The following CASQ1 variants were observed in gnomAD, a reference collection of about 807,000 sequenced individuals.
CASQ1 encodes the protein calsequestrin 1.
A neutral mutation model predicts 49.5 loss-of-function variants in CASQ1; 40 were observed. That is an observed-to-expected ratio of 0.81 (90% CI 0.63 to 1.05). The LOEUF is 1.05. Among genes scored for constraint, CASQ1 ranks in the 50% least tolerant of loss-of-function variants. The pLI, the probability that CASQ1 is intolerant of heterozygous loss-of-function variation, is 0.00. For synonymous variants in CASQ1, 174 were observed against 187.2 expected (o/e 0.93, Z 0.58); for missense variants, 469 against 486.9 (o/e 0.96, Z 0.35).
intron 9 of CASQ1, among the ~76,000 whole-genome samples, chr1:160,199,548 G>C (rs1654321862): frequency 2.0e-5 from 3 of 152,196 alleles, no homozygotes; most frequent in Admixed American, 2.0e-4. Flanking sequence ...CCAGAGAGAA[G>C]TGACTTGACC....
Position 160,198,664 on chromosome 1 carries a change from T to A in CASQ1, c.829-13T>A. ...TTCTCCAAAACCCTGTTCTCCTTCT[T>A]ACCCCCTGACAGGAGGATGATATGG... is the stretch of plus-strand genomic sequence containing the variant. On this transcript the variant is annotated splice_polypyrimidine_tract_variant and intron_variant, in intron 7 of 10. Transcript: ENST00000368078. 1.9e-6 allele frequency: 3 copies of A among 1,609,910 alleles called. No homozygotes were observed. In the South Asian group the frequency reaches 3.3e-5, roughly 18 times the overall value.
chr1:160,194,220 A>G (rs1654150454), intron 3 of CASQ1, among the ~76,000 whole-genome samples: 1 of 146,634 alleles, frequency 6.8e-6, no homozygotes, highest in Non-Finnish European at 1.5e-5. Flanking sequence ...CACACTCCAC[A>G]CACATCACAC....
chr1:160,198,746 C>T lies in CASQ1; in HGVS notation c.883+15C>T. On this transcript the variant is annotated intron_variant, in intron 8 of 10. Coordinates refer to ENST00000368078, the MANE Select transcript of CASQ1 (RefSeq NM_001231.5). ...AGCTGATCCTGGTGAGGGAGGAATA[C>T]CGGGTTGGACTGGAGGGAAGGCAGG... 8 of 1,610,090 alleles carry T rather than the reference C, an allele frequency of 5.0e-6. No homozygotes were observed. The highest frequency in any genetic ancestry group is 1.7e-4 in the Middle Eastern group (1 of 6,048).
At chr1:160,195,652 G>C (rs1571049536) in intron 5 of CASQ1, 118 bp downstream of exon 5, 14 of 719,010 alleles carry the variant, frequency 1.9e-5, no homozygotes, top group Admixed American at 9.5e-5. Context: ...CTCCCTACCT[G>C]CCCCCCCCCC....
chr1:160,191,354 G>A (rs1654071764), intron 1 of CASQ1, among the ~76,000 whole-genome samples: 1 of 152,058 alleles, frequency 6.6e-6, no homozygotes, highest in South Asian at 2.1e-4. Flanking sequence ...GAGGTACTTG[G>A]AGGGCCAGGG....
rs530648115 is a variant in CASQ1 at position 160,193,215 on chromosome 1, C to A, written c.364+329C>A. Among the ~76,000 whole-genome samples, 150 of 152,218 alleles carry A rather than the reference C, an allele frequency of 9.9e-4. 2 individuals are homozygous for A. The Middle Eastern group carries it at 0.01, about 10-fold the overall frequency. On this transcript the variant is annotated intron_variant, in intron 2 of 10. Transcript: ENST00000368078. ...GGGCTGGCCAGACCTCTGCAAACTC[C>A]GCTTCCAACCCCTCCCATCCAGAGC...
intron 6 of CASQ1, among the ~76,000 whole-genome samples, chr1:160,196,838 G>A (rs937153334): frequency 6.6e-6 from 1 of 152,124 alleles, no homozygotes; most frequent in Non-Finnish European, 1.5e-5. Context: ...AAGGCGTGGC[G>A]AGGTGGGCAT....
At chr1:160,195,579 G>C (rs1258532785) in intron 5 of CASQ1, 45 bp downstream of exon 5, 1 of 1,567,276 alleles carries the variant, frequency 6.4e-7, no homozygotes, top group Non-Finnish European at 8.8e-7. Flanking sequence ...ATGTCCTGAA[G>C]CTGTCCTCCA....
rs1654049659 is a variant in CASQ1, at chr1:160,190,613, T to C, written c.-139T>C. 3 of 756,236 alleles carry C rather than the reference T, an allele frequency of 4.0e-6. No homozygotes were observed. The highest frequency in any genetic ancestry group is 3.5e-4 in the Middle Eastern group (1 of 2,880). The allele number at this position is 756,236 out of a possible 1,614,324, so 46.8% of individuals were successfully genotyped here. A position where few individuals can be genotyped will look rare whatever the true frequency, so the allele number is the denominator to read the frequency against. ...GTTTCTCCAGGACCCAGCAGTGCCCTCTGTCCACTGCTCTGGGCCATTCCC... is the reference window on the plus strand; with the variant it reads ...GTTTCTCCAGGACCCAGCAGTGCCCCCTGTCCACTGCTCTGGGCCATTCCC... On this transcript the variant is annotated 5_prime_UTR_variant, in exon 1 of 11. Coordinates refer to ENST00000368078, the MANE Select transcript of CASQ1 (RefSeq NM_001231.5).
chr1:160,197,936 T>G (rs1338838170), intron 7 of CASQ1, among the ~76,000 whole-genome samples: 10 of 150,986 alleles, frequency 6.6e-5, no homozygotes, highest in Non-Finnish European at 1.3e-4. Flanking sequence ...GGAGAATGGC[T>G]TGAACCCAGG....
At chr1:160,194,051 C>T (rs1428161739) in intron 3 of CASQ1, among the ~76,000 whole-genome samples, 3 of 150,494 alleles carry the variant, frequency 2.0e-5, no homozygotes, top group Non-Finnish European at 3.0e-5. Flanking sequence ...CATATGCATG[C>T]ACATGCACAC....
At chr1:160,193,129 T>C (rs1431363188) in intron 2 of CASQ1, among the ~76,000 whole-genome samples, 1 of 152,120 alleles carries the variant, frequency 6.6e-6, no homozygotes, top group African/African-American at 2.4e-5. Context: ...GAGGCCTTCT[T>C]TATACTTACC....
Position 160,191,064 on chromosome 1 carries a change from G to A in CASQ1, c.279+34G>A, listed in dbSNP as rs774082512. The A allele has an allele frequency of 3.1e-6, 5 of 1,605,472 alleles. No homozygotes were observed. In the South Asian group the frequency reaches 3.3e-5, roughly 11 times the overall value. On this transcript the variant is annotated intron_variant, in intron 1 of 10. Transcript: ENST00000368078. ...GGGGCACTGCAGGCCTGCAGAGCAT[G>A]TCTAGCCCCTCTCCGGAATCCCCTA...
chr1:160,195,804 A>C, intron 5 of CASQ1, 93 bp from the exon 6 acceptor site: 37 of 1,277,900 alleles, frequency 2.9e-5, no homozygotes, highest in Non-Finnish European at 3.5e-5. Flanking sequence ...CGGCTTTCTG[A>C]CTCCCTTCCT....
chr1:160,198,756 C>G (rs1374399782), intron 8 of CASQ1, 25 bp downstream of exon 8: 1 of 1,605,928 alleles, frequency 6.2e-7, no homozygotes, highest in Admixed American at 1.7e-5. Context: ...CCGGGTTGGA[C>G]TGGAGGGAAG....
intron 4 of CASQ1, 53 bp downstream of exon 4, chr1:160,195,176 G>C: frequency 8.9e-7 from 1 of 1,123,352 alleles, no homozygotes; most frequent in South Asian, 1.4e-5. Flanking sequence ...CATCTCACCT[G>C]TCCTCCCACC....
At chr1:160,199,781 C>A in intron 9 of CASQ1, 70 bp from the exon 10 acceptor site, 1 of 1,081,744 alleles carries the variant, frequency 9.2e-7, no homozygotes, top group South Asian at 1.3e-5. Flanking sequence ...GGCTGACCCT[C>A]ACACTCATCC....
In CASQ1 at chr1:160,192,934, G is replaced by A. The variant is rs757292510; in HGVS notation, c.364+48G>A. 1.4e-5 allele frequency: 21 copies of A among 1,493,120 alleles called. No homozygotes were observed. In the South Asian group the frequency reaches 2.4e-4, roughly 17 times the overall value. 92.5% of individuals were successfully genotyped at this position (1,493,120 alleles called of 1,614,324 possible). ...AGGGGAAGGTGGCATTGAGACAAGGGGAGGCTTAGGGCGGAGGACCTGTCA... is the reference window on the plus strand; with the variant it reads ...AGGGGAAGGTGGCATTGAGACAAGGAGAGGCTTAGGGCGGAGGACCTGTCA... On this transcript the variant is annotated intron_variant, in intron 2 of 10. Coordinates refer to ENST00000368078, the MANE Select transcript of CASQ1 (RefSeq NM_001231.5).
chr1:160,199,975 C>T, intron 10 of CASQ1, 50 bp downstream of exon 10: 1 of 1,225,312 alleles, frequency 8.2e-7, no homozygotes, highest in African/African-American at 1.5e-5. Context: ...TACTTCCTAG[C>T]ATAGCTAGCT....
Sources: gnomAD v4.1 joint callset for allele counts (sites outside exome capture counted in the v4.1 genomes callset) on GRCh38, gnomAD v4.1.1 for gene constraint, MANE v1.5 for transcripts, NCBI Gene and HGNC (gene_info 2026-07-23, HGNC 2026-07-21) for gene names.